Variants in MTIF2 observed in about 807,000 individuals in gnomAD.
MTIF2 encodes the protein translation initiation factor IF-2, mitochondrial.
In MTIF2, 71 loss-of-function variants were observed where a neutral mutation model predicts 83.5. The ratio of observed to expected loss-of-function variants is 0.85; its 90% CI spans 0.70 to 1.04. The LOEUF (loss-of-function observed/expected upper bound fraction) is 1.04. Ranked by LOEUF, MTIF2 falls within the 50% of genes least tolerant of loss-of-function variation. MTIF2 has a pLI of 0.00. For synonymous variants in MTIF2, 319 were observed against 287.1 expected, an observed-to-expected ratio of 1.11 and a Z score of -1.12; for missense variants, 957 against 846.5, an observed-to-expected ratio of 1.13 and a Z score of -1.62.
At chr2:55,260,166 G>A (rs565280203) in intron 5 of MTIF2, among the ~76,000 whole-genome samples, 1 of 152,180 alleles carries the variant, frequency 6.6e-6, no homozygotes, top group South Asian at 2.1e-4. Context: ...TTGGGAGGCC[G>A]AGGTGGGCGG....
rs772545031 is a variant in MTIF2, at chr2:55,246,462, C to G, written c.982-1G>C. ...CTGCCAAAGCCATCAGATTATCGCCCTTTAACAATAACAAACGTTGTTAAT... is the reference window on the plus strand; with the variant it reads ...CTGCCAAAGCCATCAGATTATCGCCGTTTAACAATAACAAACGTTGTTAAT... On this transcript the variant is annotated splice_acceptor_variant, in intron 9 of 15. Transcript: ENST00000263629. LOFTEE classifies it high-confidence loss of function. 1.2e-6 allele frequency: 2 copies of G among 1,613,090 alleles called. No homozygotes were observed. The highest frequency in any genetic ancestry group is 8.5e-7 in the Non-Finnish European group (1 of 1,179,342).
Position 55,240,212 on chromosome 2 carries a change from C to T in MTIF2, c.1706-37G>A, listed in dbSNP as rs372467548. The T allele has an allele frequency of 2.1e-5, 31 of 1,506,204 alleles. No individual in the cohort carries two copies. In the Admixed American group the frequency reaches 2.2e-4, roughly 10 times the overall value. The allele number at this position is 1,506,204 out of a possible 1,614,324, so 93.3% of individuals were successfully genotyped here. A position where few individuals can be genotyped will look rare whatever the true frequency, so the allele number is the denominator to read the frequency against. ...AAATATGATCAATGAAGTAGCACAA[C>T]GATTACATTATAATCATTTATTTGT... On this transcript the variant is annotated intron_variant, in intron 13 of 15. Transcript: ENST00000263629.
chr2:55,237,596 TAAG>T (rs781628837), intron 14 of MTIF2, among the ~76,000 whole-genome samples, 168 bp from the exon 15 acceptor site: 1 of 151,866 alleles, frequency 6.6e-6, no homozygotes, highest in East Asian at 1.9e-4. Flanking sequence ...TGACCAATAT[TAAG>T]AATAAAAATG....
chr2:55,242,846 G>A (rs565652622), intron 13 of MTIF2, 94 bp downstream of exon 13: 21 of 1,289,470 alleles, frequency 1.6e-5, no homozygotes, highest in Middle Eastern at 2.8e-4. Context: ...AGCAGTAAAT[G>A]TCAGGTGTGA....
At chr2:55,251,625 T>C (rs971135803) in intron 8 of MTIF2, among the ~76,000 whole-genome samples, 1 of 152,186 alleles carries the variant, frequency 6.6e-6, no homozygotes, top group Admixed American at 6.5e-5. Context: ...ATATACCGAA[T>C]GTGTAACTTT....
At chr2:55,241,409 C>T (rs1447283149) in intron 13 of MTIF2, among the ~76,000 whole-genome samples, 1 of 140,722 alleles carries the variant, frequency 7.1e-6, no homozygotes, top group Non-Finnish European at 1.5e-5. Flanking sequence ...CAGAGCAAGA[C>T]TCTGTCTCAA....
chr2:55,263,229 T>C (rs935550189), intron 4 of MTIF2, among the ~76,000 whole-genome samples: 1 of 152,250 alleles, frequency 6.6e-6, no homozygotes, highest in Admixed American at 6.5e-5. Flanking sequence ...TAAAATCCTG[T>C]ATCCTTAATT....
chr2:55,263,948 T>G, intron 3 of MTIF2, 83 bp from the exon 4 acceptor site: 1 of 1,002,500 alleles, frequency 1.0e-6, no homozygotes, highest in South Asian at 1.5e-5. Flanking sequence ...TGCATAGCAC[T>G]GGACTACACT....
Position 55,236,876 on chromosome 2 carries a change from A to C in MTIF2, c.2012-56T>G. 2.3e-6 allele frequency: 3 copies of C among 1,307,544 alleles called. No homozygotes were observed. The South Asian group carries it at 4.8e-5, about 21-fold the overall frequency. 81.0% of individuals were successfully genotyped at this position (1,307,544 alleles called of 1,614,324 possible). A position where few individuals can be genotyped will look rare whatever the true frequency, so the allele number is the denominator to read the frequency against. ...TCAATAAATGATAAGTACCTACTAA[A>C]TACTACATTATGTGGTGTTAACCAG... On this transcript the variant is annotated intron_variant, in intron 15 of 15. Coordinates refer to ENST00000263629, the MANE Select transcript of MTIF2 (RefSeq NM_002453.3).
In MTIF2 at chr2:55,262,203, T is replaced by C. The variant is rs906682274; in HGVS notation, c.331+113A>G. 4.8e-5 allele frequency: 36 copies of C among 752,776 alleles called. 1 individual carries two copies. In the South Asian group the frequency reaches 5.4e-4, roughly 11 times the overall value. The allele number at this position is 752,776 out of a possible 1,614,324, so 46.6% of individuals were successfully genotyped here. A position where few individuals can be genotyped will look rare whatever the true frequency, so the allele number is the denominator to read the frequency against. ...AAGAATATTACAATGACTTAATATA[T>C]TTTTTAAGTGCCAGTCTAGTTTTTA... On this transcript the variant is annotated intron_variant, in intron 5 of 15. Coordinates refer to ENST00000263629, the MANE Select transcript of MTIF2 (RefSeq NM_002453.3).
intron 14 of MTIF2, among the ~76,000 whole-genome samples, chr2:55,239,020 C>G (rs1252403712): frequency 6.6e-6 from 1 of 152,200 alleles, no homozygotes; most frequent in Non-Finnish European, 1.5e-5. Context: ...TACAAAATAG[C>G]TGTCCAATAT....
chr2:55,254,346 T>A, intron 6 of MTIF2, 145 bp from the exon 7 acceptor site: 3 of 673,794 alleles, frequency 4.5e-6, no homozygotes, highest in Non-Finnish European at 6.2e-6. Flanking sequence ...CCCCCTCCTA[T>A]ACATATGACA....
Position 55,244,290 on chromosome 2 carries a change from AG to A in MTIF2, c.1107-58del, listed in dbSNP as rs1308427268. 5.5e-6 allele frequency: 7 copies of A among 1,271,984 alleles called. No homozygotes were observed. The Admixed American group carries it at 8.2e-5, about 15-fold the overall frequency. 78.8% of individuals were successfully genotyped at this position (1,271,984 alleles called of 1,614,324 possible). ...TCATAATGTACTTTAAGTAGAGCAA[AG>A]ATATCTTTATGAAGTTTAAGTTATA... is the stretch of plus-strand genomic sequence containing the variant. On this transcript the variant is annotated intron_variant, in intron 10 of 15. Coordinates refer to ENST00000263629, the MANE Select transcript of MTIF2 (RefSeq NM_002453.3).
chr2:55,240,657 A>G (rs554482915), intron 13 of MTIF2, among the ~76,000 whole-genome samples: 2 of 152,342 alleles, frequency 1.3e-5, no homozygotes, highest in South Asian at 4.1e-4. Context: ...TTTCCAATTG[A>G]TGAAAGAATT....
At chr2:55,245,878 A>T (rs1326362624) in intron 10 of MTIF2, among the ~76,000 whole-genome samples, 1 of 152,224 alleles carries the variant, frequency 6.6e-6, no homozygotes, top group Non-Finnish European at 1.5e-5. Context: ...GTTGTTAGAG[A>T]GTGTAAAGCA....
Position 55,266,894 on chromosome 2 carries a change from C to G in MTIF2, c.-8+675G>C, listed in dbSNP as rs147670887. On this transcript the variant is annotated intron_variant, in intron 3 of 15. Coordinates refer to ENST00000263629, the MANE Select transcript of MTIF2 (RefSeq NM_002453.3). ...GCAATTTTCTCCAGCCTTAGCCTCC[C>G]AAGTAGCTTGAACTACAGGTGTGTG... Among the ~76,000 whole-genome samples the G allele has an allele frequency of 3.4e-3, 508 of 151,442 alleles. 3 individuals are homozygous for G. Among genetic ancestry groups the G allele is most frequent in the Non-Finnish European group, 5.1e-3 (347 of 67,900 alleles).
intron 8 of MTIF2, 89 bp downstream of exon 8, chr2:55,252,388 G>A: frequency 1.8e-6 from 2 of 1,114,352 alleles, no homozygotes; most frequent in Non-Finnish European, 2.6e-6. Context: ...ATAACTCTGG[G>A]ATTGTTGTGA....
intron 12 of MTIF2, 140 bp downstream of exon 12, chr2:55,243,276 C>G: frequency 9.3e-7 from 1 of 1,078,220 alleles, no homozygotes. Context: ...ACAACAAAAT[C>G]AGCAAGAAAT....
At chr2:55,249,936 T>C (rs1676975872) in intron 8 of MTIF2, among the ~76,000 whole-genome samples, 1 of 151,958 alleles carries the variant, frequency 6.6e-6, no homozygotes. Context: ...TACTAAAAAA[T>C]ACAAAAATTA....
Sources: gnomAD v4.1 joint callset for allele counts (sites outside exome capture counted in the v4.1 genomes callset) on GRCh38, gnomAD v4.1.1 for gene constraint, MANE v1.5 for transcripts, NCBI Gene and HGNC (gene_info 2026-07-23, HGNC 2026-07-21) for gene names.